The following TYW1B variants were observed in gnomAD, a reference collection of about 807,000 sequenced individuals.
TYW1B encodes the protein tRNA-yW synthesizing protein 1 homolog B, also known as S-adenosyl-L-methionine-dependent tRNA 4-demethylwyosine synthase TYW1B.
TYW1B carries 73 observed loss-of-function variants against 86.9 expected under a neutral mutation model. That is an observed-to-expected ratio of 0.84 (90% CI 0.70 to 1.02). The LOEUF (loss-of-function observed/expected upper bound fraction) is 1.02, where lower values mean the gene tolerates loss of function less well. Ranked by LOEUF, TYW1B falls within the 50% of genes least tolerant of loss-of-function variation. The pLI, the probability that TYW1B is intolerant of heterozygous loss-of-function variation, is 0.00. For synonymous variants in TYW1B, 248 were observed against 292.8 expected (o/e 0.85, Z 1.56); for missense variants, 637 against 827.4 (o/e 0.77, Z 2.82).
chr7:72,786,577 T>C (rs1247574848), intron 6 of TYW1B, among the ~76,000 whole-genome samples: 2,175 of 143,574 alleles, frequency 0.015, 56 homozygotes, highest in African/African-American at 0.051. Context: ...TTTTTTCTTT[T>C]TTTTTTTTTT....
intron 13 of TYW1B, among the ~76,000 whole-genome samples, chr7:72,586,787 A>G (rs1811288267): frequency 6.6e-6 from 1 of 151,858 alleles, no homozygotes; most frequent in Non-Finnish European, 1.5e-5. Context: ...GTGTGGCCTA[A>G]GGCCTACAAA....
rs149294322 is a variant in TYW1B at position 72,705,675 on chromosome 7, A to G, written c.1370+7946T>C. ...AAGATAAGAGTTTGTGAGTCTACAA[A>G]TGACTACAAATTTGACTCTGAACTC... On this transcript the variant is annotated intron_variant, in intron 10 of 13. Coordinates refer to ENST00000620995, the MANE Select transcript of TYW1B (RefSeq NM_001145440.3). Among the ~76,000 whole-genome samples, 740 of 152,340 alleles carry G rather than the reference A, an allele frequency of 4.9e-3. 4 individuals are homozygous for G. Among genetic ancestry groups the G allele is most frequent in the Middle Eastern group, 0.01 (3 of 294 alleles).
intron 7 of TYW1B, among the ~76,000 whole-genome samples, chr7:72,773,817 C>T (rs1383931458): frequency 2.6e-5 from 4 of 152,148 alleles, no homozygotes; most frequent in Admixed American, 2.6e-4. Flanking sequence ...TAAATCCCAG[C>T]ACTTTGGGAG....
At chr7:72,643,244 C>A (rs574986516) in intron 11 of TYW1B, among the ~76,000 whole-genome samples, 1 of 151,968 alleles carries the variant, frequency 6.6e-6, no homozygotes, top group African/African-American at 2.4e-5. Flanking sequence ...GGCAAGTATT[C>A]CAAAAATTAC....
chr7:72,632,213 C>T (rs1227014804), intron 11 of TYW1B, among the ~76,000 whole-genome samples: 4 of 143,816 alleles, frequency 2.8e-5, no homozygotes, highest in Admixed American at 7.2e-5. Flanking sequence ...GAGCCATGAT[C>T]GTACCAACGC....
At chr7:72,735,489 T>C (rs537201293) in intron 8 of TYW1B, among the ~76,000 whole-genome samples, 125 of 151,382 alleles carry the variant, frequency 8.3e-4, no homozygotes, top group African/African-American at 2.8e-3. Flanking sequence ...AGAGAATCAC[T>C]TGAACCTGGG....
chr7:72,659,491 T>A (rs1554444167), intron 11 of TYW1B, among the ~76,000 whole-genome samples: 2 of 151,934 alleles, frequency 1.3e-5, no homozygotes, highest in African/African-American at 4.8e-5. Flanking sequence ...GGCAGGAGAA[T>A]CACTTGAACC....
intron 6 of TYW1B, among the ~76,000 whole-genome samples, chr7:72,791,812 G>A (rs560130004): frequency 1.0e-3 from 152 of 152,186 alleles, no homozygotes; most frequent in Non-Finnish European, 1.7e-3. Flanking sequence ...AACTTCCCAG[G>A]CATTGCCTTG....
chr7:72,689,720 TC>T (rs1296409142), intron 11 of TYW1B, among the ~76,000 whole-genome samples: 3 of 152,192 alleles, frequency 2.0e-5, no homozygotes, highest in African/African-American at 7.2e-5. Context: ...AAGCATGCCC[TC>T]CCCCAGTGGA....
chr7:72,632,644 G>T lies in TYW1B; in HGVS notation c.1507-3647C>A, dbSNP rs1344793396. Among the ~76,000 whole-genome samples the T allele has an allele frequency of 2.0e-5, 3 of 146,756 alleles. No homozygotes were observed. The East Asian group carries it at 6.1e-4, about 30-fold the overall frequency. On this transcript the variant is annotated intron_variant, in intron 11 of 13. Coordinates refer to ENST00000620995, the MANE Select transcript of TYW1B (RefSeq NM_001145440.3). ...TATAAATATAATGTAATTCCAATGA[G>T]AGTTTACAATTCATCTGAACAAATA...
intron 10 of TYW1B, among the ~76,000 whole-genome samples, chr7:72,703,936 T>C (rs1299720200): frequency 6.7e-6 from 1 of 150,180 alleles, no homozygotes; most frequent in African/African-American, 2.5e-5. Context: ...ATTTCTGTGA[T>C]ATAGGTTAAA....
chr7:72,803,886 T>C (rs1201550374), intron 5 of TYW1B, among the ~76,000 whole-genome samples: 1 of 151,088 alleles, frequency 6.6e-6, no homozygotes, highest in Non-Finnish European at 1.5e-5. Flanking sequence ...ATTGCTGGGG[T>C]TACAAATGTG....
At chr7:72,696,535 C>T (rs2844220) in intron 10 of TYW1B, among the ~76,000 whole-genome samples, 3 of 152,106 alleles carry the variant, frequency 2.0e-5, no homozygotes, top group African/African-American at 7.2e-5. Context: ...GCTTTATATA[C>T]GTATCAGTAG....
At chr7:72,652,664 C>T (rs1449897316) in intron 11 of TYW1B, among the ~76,000 whole-genome samples, 2 of 152,012 alleles carry the variant, frequency 1.3e-5, no homozygotes, top group African/African-American at 4.8e-5. Flanking sequence ...TTTTTATACA[C>T]CTTAGTGATA....
At chr7:72,735,595 T>G (rs1585941145) in intron 8 of TYW1B, among the ~76,000 whole-genome samples, 1 of 136,876 alleles carries the variant, frequency 7.3e-6, no homozygotes, top group Non-Finnish European at 1.5e-5. Flanking sequence ...AAAGGCCGAG[T>G]GCAGTGGCTC....
At chr7:72,615,607 C>T (rs1812053804) in intron 13 of TYW1B, among the ~76,000 whole-genome samples, 1 of 152,098 alleles carries the variant, frequency 6.6e-6, no homozygotes, top group African/African-American at 2.4e-5. Context: ...AAATGACAGA[C>T]AACAAACACA....
intron 11 of TYW1B, among the ~76,000 whole-genome samples, chr7:72,676,524 T>G (rs1435017018): frequency 6.6e-6 from 1 of 152,112 alleles, no homozygotes; most frequent in African/African-American, 2.4e-5. Context: ...CACCAGGAAC[T>G]GGTGGGGCTG....
intron 11 of TYW1B, among the ~76,000 whole-genome samples, chr7:72,643,961 C>T (rs1238534977): frequency 1.3e-5 from 2 of 152,074 alleles, no homozygotes; most frequent in Admixed American, 1.3e-4. Flanking sequence ...GACAGTTCAG[C>T]ATCTCTCATG....
intron 5 of TYW1B, among the ~76,000 whole-genome samples, chr7:72,803,209 CA>C (rs1371427013): frequency 6.6e-6 from 1 of 152,034 alleles, no homozygotes; most frequent in Non-Finnish European, 1.5e-5. Context: ...CTCATCTCTA[CA>C]AAAACAACAA....
Sources: allele counts gnomAD v4.1 joint callset (sites outside exome capture counted in the v4.1 genomes callset), GRCh38; gene constraint gnomAD v4.1.1; transcripts MANE v1.5; gene names NCBI Gene and HGNC (gene_info 2026-07-23, HGNC 2026-07-21).